ZBTB20: variants seen among roughly 807,000 people sequenced by gnomAD.
ZBTB20 encodes zinc finger and BTB domain-containing protein 20.
A neutral mutation model predicts 56.9 loss-of-function variants in ZBTB20; 9 were observed. The ratio of observed to expected loss-of-function variants is 0.16; its 90% CI spans 0.10 to 0.28. The LOEUF (loss-of-function observed/expected upper bound fraction) is 0.28, where lower values mean the gene tolerates loss of function less well. Among genes scored for constraint, ZBTB20 ranks in the 10% least tolerant of loss-of-function variants. The pLI, the probability that ZBTB20 is intolerant of heterozygous loss-of-function variation, is 1.00. For synonymous variants in ZBTB20, 417 were observed against 420.7 expected, an observed-to-expected ratio of 0.99 and a Z score of 0.11; for missense variants, 655 against 1,003.0, an observed-to-expected ratio of 0.65 and a Z score of 4.69.
chr3:114,392,360 C>T (rs2085954392), intron 7 of ZBTB20, among the ~76,000 whole-genome samples: 1 of 152,198 alleles, frequency 6.6e-6, no homozygotes, highest in Admixed American at 6.5e-5. Context: ...TTTCACACGG[C>T]ATGCCTATAT....
chr3:114,495,452 TAC>T lies in ZBTB20; in HGVS notation c.-255+4898_-255+4899del, dbSNP rs35156549. ...GTGTGTATCAGTGCAAGTCTGTGTA[TAC>T]ACACACACACACACACACACACAGT... On this transcript the variant is annotated intron_variant, in intron 7 of 11. Transcript: ENST00000675478. 5.6e-3 allele frequency among the ~76,000 whole-genome samples: 831 copies of T among 148,334 alleles called. 4 individuals are homozygous for T. Among genetic ancestry groups the T allele is most frequent in the African/African-American group, 9.9e-3 (403 of 40,724 alleles).
At chr3:114,412,110 C>T (rs1313644176) in intron 7 of ZBTB20, among the ~76,000 whole-genome samples, 1 of 152,020 alleles carries the variant, frequency 6.6e-6, no homozygotes, top group Non-Finnish European at 1.5e-5. Context: ...AGGAAGATGT[C>T]CAGAAATGAC....
intron 5 of ZBTB20, among the ~76,000 whole-genome samples, chr3:114,768,278 A>G (rs2068924767): frequency 6.6e-6 from 1 of 152,020 alleles, no homozygotes; most frequent in Admixed American, 6.6e-5. Flanking sequence ...ATATGACTTG[A>G]CCAATAACTA....
In ZBTB20 at chr3:114,977,080, A is replaced by G. The variant is rs536349216; in HGVS notation, c.-506-2664T>C. Among the ~76,000 whole-genome samples, 61 of 152,348 alleles carry G rather than the reference A, an allele frequency of 4.0e-4. 1 individual carries two copies. The highest frequency in any genetic ancestry group is 3.4e-3 in the Admixed American group (52 of 15,306). Reference sequence around the variant, plus strand: ...CCAAGAAGTCATAGATAACAAAAGAATAAGAAAGAATCAGAAGAAAATTAA... The same window carrying G: ...CCAAGAAGTCATAGATAACAAAAGAGTAAGAAAGAATCAGAAGAAAATTAA... On this transcript the variant is annotated intron_variant, in intron 2 of 11. Coordinates refer to ENST00000675478, the MANE Select transcript of ZBTB20 (RefSeq NM_001348800.3).
chr3:114,802,329 C>G (rs1406883893), intron 4 of ZBTB20, among the ~76,000 whole-genome samples: 2 of 151,790 alleles, frequency 1.3e-5, no homozygotes, highest in Non-Finnish European at 1.5e-5. Flanking sequence ...TATTAGAAAG[C>G]ATATGTAGTT....
intron 4 of ZBTB20, among the ~76,000 whole-genome samples, chr3:114,866,201 GTT>G (rs1250720985): frequency 6.6e-6 from 1 of 152,120 alleles, no homozygotes; most frequent in African/African-American, 2.4e-5. Context: ...GATGCTAAGT[GTT>G]TTACATGCAT....
At chr3:114,981,664 A>G in intron 2 of ZBTB20, among the ~76,000 whole-genome samples, 1 of 152,078 alleles carries the variant, frequency 6.6e-6, no homozygotes, top group East Asian at 1.9e-4. Flanking sequence ...TCTAGGAGGT[A>G]GGTAATATCA....
At chr3:114,940,081 TA>T (rs1560420274) in intron 3 of ZBTB20, among the ~76,000 whole-genome samples, 1 of 27,506 alleles carries the variant, frequency 3.6e-5, no homozygotes, top group Non-Finnish European at 6.6e-5. Flanking sequence ...ATGTGTTCAC[TA>T]GTGCATTCAT....
chr3:114,877,385 G>A (rs1173741845), intron 4 of ZBTB20, among the ~76,000 whole-genome samples: 1 of 152,202 alleles, frequency 6.6e-6, no homozygotes, highest in Non-Finnish European at 1.5e-5. Flanking sequence ...GTGGAGTAGT[G>A]TGGAAAGGAA....
intron 6 of ZBTB20, among the ~76,000 whole-genome samples, chr3:114,574,956 T>A (rs1282228923): frequency 6.6e-6 from 1 of 152,114 alleles, no homozygotes; most frequent in Non-Finnish European, 1.5e-5. Context: ...TATTTCTATA[T>A]AAAGACAGGG....
intron 6 of ZBTB20, among the ~76,000 whole-genome samples, chr3:114,605,744 G>A (rs532209297): frequency 1.3e-5 from 2 of 152,148 alleles, no homozygotes; most frequent in Non-Finnish European, 2.9e-5. Context: ...TGAGGAGTGG[G>A]TGCCTTAGCT....
At chr3:114,920,169 T>C (rs2075903090) in intron 3 of ZBTB20, among the ~76,000 whole-genome samples, 1 of 152,144 alleles carries the variant, frequency 6.6e-6, no homozygotes, top group Non-Finnish European at 1.5e-5. Flanking sequence ...GACACCAGTA[T>C]AATAATAGTA....
chr3:114,870,896 T>C (rs1394055301), intron 4 of ZBTB20, among the ~76,000 whole-genome samples: 2 of 152,080 alleles, frequency 1.3e-5, no homozygotes, highest in Non-Finnish European at 2.9e-5. Context: ...TTCCTGTCTC[T>C]AGCCCCTTCC....
At chr3:114,749,755 T>C (rs948214023) in intron 5 of ZBTB20, among the ~76,000 whole-genome samples, 2 of 152,218 alleles carry the variant, frequency 1.3e-5, no homozygotes, top group Non-Finnish European at 1.5e-5. Context: ...CTTTGGTTTG[T>C]ATCCCATTTC....
At chr3:114,789,530 A>G (rs1391867445) in intron 5 of ZBTB20, among the ~76,000 whole-genome samples, 4 of 152,206 alleles carry the variant, frequency 2.6e-5, no homozygotes, top group Non-Finnish European at 5.9e-5. Flanking sequence ...AACCTCTGAG[A>G]CAAAATGATC....
At chr3:114,522,131 A>G (rs2046709661) in intron 6 of ZBTB20, among the ~76,000 whole-genome samples, 1 of 152,202 alleles carries the variant, frequency 6.6e-6, no homozygotes, top group Non-Finnish European at 1.5e-5. Context: ...GTCTGAAGGC[A>G]GTAGGTGCTA....
chr3:114,995,912 T>C (rs1648189911), intron 2 of ZBTB20, among the ~76,000 whole-genome samples: 1 of 151,818 alleles, frequency 6.6e-6, no homozygotes, highest in Admixed American at 6.6e-5. Flanking sequence ...CCATCTCCCC[T>C]TTACCTTCTC....
At chr3:114,754,161 C>A (rs562335721) in intron 5 of ZBTB20, among the ~76,000 whole-genome samples, 1 of 152,116 alleles carries the variant, frequency 6.6e-6, no homozygotes, top group African/African-American at 2.4e-5. Context: ...GCCTCACCTG[C>A]GAACTGGGGA....
intron 1 of ZBTB20, among the ~76,000 whole-genome samples, chr3:115,094,671 A>G (rs1239146528): frequency 6.6e-6 from 1 of 151,998 alleles, no homozygotes; most frequent in African/African-American, 2.4e-5. Context: ...AACAAATCAC[A>G]ATTTAATTAC....
Sources: gnomAD v4.1 joint callset for allele counts (sites outside exome capture counted in the v4.1 genomes callset) on GRCh38, gnomAD v4.1.1 for gene constraint, MANE v1.5 for transcripts, NCBI Gene and HGNC (gene_info 2026-07-23, HGNC 2026-07-21) for gene names.